The following NTN1 variants were observed in gnomAD, a reference collection of about 807,000 sequenced individuals.
NTN1 encodes the protein netrin 1.
A neutral mutation model predicts 54.2 loss-of-function variants in NTN1; 11 were observed. That is an observed-to-expected ratio of 0.20 (90% CI 0.13 to 0.34). The LOEUF (loss-of-function observed/expected upper bound fraction) is 0.34, where lower values mean the gene tolerates loss of function less well. NTN1 is among the 10% of genes least tolerant of loss of function. NTN1 has a pLI of 1.00. For synonymous variants in NTN1, 371 were observed against 382.0 expected (o/e 0.97, Z 0.33); for missense variants, 740 against 893.1 (o/e 0.83, Z 2.18).
At chr17:9,128,419 C>T (rs1055558007) in intron 2 of NTN1, among the ~76,000 whole-genome samples, 1 of 152,054 alleles carries the variant, frequency 6.6e-6, no homozygotes, top group African/African-American at 2.4e-5. Context: ...GATGATGCTT[C>T]TGGCAACCAG....
intron 2 of NTN1, among the ~76,000 whole-genome samples, chr17:9,127,345 G>C (rs564404389): frequency 1.3e-5 from 2 of 152,198 alleles, no homozygotes; most frequent in South Asian, 4.1e-4. Context: ...AGAACTAGGT[G>C]GGTTGTTTGT....
chr17:9,015,610 C>T, the NTN1 span, among the ~76,000 whole-genome samples: 1 of 152,158 alleles, frequency 6.6e-6, no homozygotes, highest in East Asian at 1.9e-4. Flanking sequence ...GTCCTCCTCA[C>T]TGATTGCTCC....
chr17:9,139,688 A>G (rs921066641), intron 2 of NTN1, among the ~76,000 whole-genome samples: 1 of 152,152 alleles, frequency 6.6e-6, no homozygotes, highest in Non-Finnish European at 1.5e-5. Flanking sequence ...AACCATAACT[A>G]TATGCAGTGC....
chr17:9,086,447 G>A (rs1300599766), intron 2 of NTN1, among the ~76,000 whole-genome samples: 1 of 152,158 alleles, frequency 6.6e-6, no homozygotes, highest in Non-Finnish European at 1.5e-5. Context: ...ACAGTGGAGA[G>A]AACCATAGGG....
intron 2 of NTN1, among the ~76,000 whole-genome samples, chr17:9,157,459 T>G (rs1356995454): frequency 2.0e-5 from 3 of 151,768 alleles, no homozygotes; most frequent in Admixed American, 2.0e-4. Context: ...AGGTAAGGAG[T>G]GGCCACAGGC....
chr17:9,123,848 G>C (rs1048619343), intron 2 of NTN1, among the ~76,000 whole-genome samples: 50 of 152,214 alleles, frequency 3.3e-4, no homozygotes, highest in Middle Eastern at 3.4e-3. Flanking sequence ...ATGTCTGGAG[G>C]CTTTGTAAGT....
chr17:9,023,869 G>C (rs1225350636), intron 2 of NTN1, among the ~76,000 whole-genome samples: 1 of 152,198 alleles, frequency 6.6e-6, no homozygotes, highest in African/African-American at 2.4e-5. Context: ...TTGTAGTTTG[G>C]GGTCAGTTCG....
intron 2 of NTN1, among the ~76,000 whole-genome samples, chr17:9,128,367 C>T (rs974757691): frequency 1.3e-5 from 2 of 151,290 alleles, no homozygotes; most frequent in African/African-American, 2.4e-5. Flanking sequence ...TCCTGTGTTC[C>T]ACCTGTGAAG....
At chr17:9,196,499 C>T (rs1317886315) in intron 5 of NTN1, among the ~76,000 whole-genome samples, 4 of 152,222 alleles carry the variant, frequency 2.6e-5, no homozygotes, top group Non-Finnish European at 5.9e-5. Flanking sequence ...CTCGGCAGCT[C>T]TCTCCCTCTG....
intron 2 of NTN1, among the ~76,000 whole-genome samples, chr17:9,058,637 CAAAAAAAAAAAAAA>C (rs3053457): frequency 1.7e-4 from 10 of 58,910 alleles, no homozygotes; most frequent in South Asian, 1.4e-3. Flanking sequence ...GGTAGGCACT[CAAAAAAAAAAAAAA>C]AAAAAAAAAA....
intron 2 of NTN1, among the ~76,000 whole-genome samples, chr17:9,079,077 T>C (rs1027763044): frequency 3.3e-5 from 5 of 152,150 alleles, no homozygotes; most frequent in Non-Finnish European, 7.3e-5. Flanking sequence ...AGAAGACCCA[T>C]GGGCAGGAAG....
chr17:9,093,846 C>A (rs1567708847), intron 2 of NTN1, among the ~76,000 whole-genome samples: 1 of 152,032 alleles, frequency 6.6e-6, no homozygotes, highest in Non-Finnish European at 1.5e-5. Flanking sequence ...TGGTGGCGGG[C>A]GCCTGTAGTC....
At chr17:9,056,391 C>T (rs759441628) in intron 2 of NTN1, among the ~76,000 whole-genome samples, 26 of 152,128 alleles carry the variant, frequency 1.7e-4, no homozygotes, top group African/African-American at 2.4e-4. Context: ...GATGGGGAGC[C>T]GCCATCTTGT....
chr17:9,102,040 A>G (rs1291610420), intron 2 of NTN1, among the ~76,000 whole-genome samples: 1 of 152,200 alleles, frequency 6.6e-6, no homozygotes, highest in Non-Finnish European at 1.5e-5. Flanking sequence ...CTGGTGCTCC[A>G]CTCCATTAAT....
intron 2 of NTN1, among the ~76,000 whole-genome samples, chr17:9,154,825 A>G (rs969994992): frequency 4.6e-5 from 7 of 152,096 alleles, no homozygotes; most frequent in African/African-American, 1.4e-4. Flanking sequence ...TTAAGGAGAA[A>G]TTTCTCTTGA....
At chr17:9,019,682 G>T (rs1280251273), upstream of NTN1, among the ~76,000 whole-genome samples, 1 of 152,232 alleles carries the variant, frequency 6.6e-6, no homozygotes, top group Non-Finnish European at 1.5e-5. Context: ...ACTTTCCATA[G>T]TCACACAGCA....
In NTN1 at chr17:9,046,867, C is replaced by T. The variant is rs138096708; in HGVS notation, c.1018+23476C>T. 2.5e-3 allele frequency among the ~76,000 whole-genome samples: 375 copies of T among 152,194 alleles called. 2 individuals carry two copies. The highest frequency in any genetic ancestry group is 8.7e-3 in the African/African-American group (362 of 41,508). ...TGAGTTGTGATACGATCCAGCAATT[C>T]CATTCCTAGATACACGAACACACCT... On this transcript the variant is annotated intron_variant, in intron 2 of 6. Transcript: ENST00000173229.
intron 2 of NTN1, among the ~76,000 whole-genome samples, chr17:9,156,601 G>A (rs2092343014): frequency 6.6e-6 from 1 of 152,202 alleles, no homozygotes; most frequent in Admixed American, 6.5e-5. Context: ...TTATGGTTTG[G>A]TAAATTCATC....
At chr17:9,059,991 C>G (rs1350538909) in intron 2 of NTN1, among the ~76,000 whole-genome samples, 1 of 152,110 alleles carries the variant, frequency 6.6e-6, no homozygotes, top group East Asian at 1.9e-4. Context: ...AGAAACTGCA[C>G]TTACTGCATA....
Sources: allele counts gnomAD v4.1 joint callset (sites outside exome capture counted in the v4.1 genomes callset), GRCh38; gene constraint gnomAD v4.1.1; transcripts MANE v1.5; gene names NCBI Gene and HGNC (gene_info 2026-07-23, HGNC 2026-07-21).